The following CTNND2 variants were observed in gnomAD, a reference collection of about 807,000 sequenced individuals.
CTNND2 encodes catenin delta 2.
In CTNND2, 22 loss-of-function variants were observed where a neutral mutation model predicts 144.4. The observed-to-expected ratio is 0.15, with a 90% CI of 0.11 to 0.22. The LOEUF (loss-of-function observed/expected upper bound fraction) is 0.22, where lower values mean the gene tolerates loss of function less well. Ranked by LOEUF, CTNND2 falls within the 10% of genes least tolerant of loss-of-function variation. The pLI is 1.00. For missense variants in CTNND2, 1,353 were observed against 1,618.8 expected (o/e 0.84, Z 2.82); for synonymous variants, 751 against 695.6 (o/e 1.08, Z -1.25).
At chr5:11,668,443 G>A (rs1393572334) in intron 2 of CTNND2, among the ~76,000 whole-genome samples, 1 of 152,170 alleles carries the variant, frequency 6.6e-6, no homozygotes, top group Non-Finnish European at 1.5e-5. Flanking sequence ...ATTTCCTTGA[G>A]CAGTGGTTTG....
At chr5:11,336,895 CT>C (rs1476082811) in intron 9 of CTNND2, among the ~76,000 whole-genome samples, 26 of 152,204 alleles carry the variant, frequency 1.7e-4, no homozygotes, top group African/African-American at 5.3e-4. Flanking sequence ...AAGTCTAAGG[CT>C]GTCAAGATTA....
chr5:11,872,665 C>A (rs1735234512), intron 1 of CTNND2, among the ~76,000 whole-genome samples: 1 of 134,222 alleles, frequency 7.5e-6, no homozygotes, highest in Non-Finnish European at 1.7e-5. Flanking sequence ...TGTTTGTTGG[C>A]TGCATAAATG....
At chr5:11,464,115 C>A (rs925096249) in intron 3 of CTNND2, among the ~76,000 whole-genome samples, 8 of 152,128 alleles carry the variant, frequency 5.3e-5, no homozygotes, top group Non-Finnish European at 1.0e-4. Context: ...ATTCATTCAT[C>A]TGATATTTAT....
intron 2 of CTNND2, among the ~76,000 whole-genome samples, chr5:11,610,532 A>G (rs1473557887): frequency 1.3e-5 from 2 of 151,954 alleles, no homozygotes; most frequent in Non-Finnish European, 2.9e-5. Flanking sequence ...GGCTGCCTCA[A>G]TTTTCACCCT....
At chr5:11,528,026 A>G (rs186823248) in intron 3 of CTNND2, among the ~76,000 whole-genome samples, 3 of 152,356 alleles carry the variant, frequency 2.0e-5, no homozygotes, top group East Asian at 1.9e-4. Context: ...GAGTCAATTT[A>G]AAAAACCCAT....
At chr5:11,162,042 T>G (rs1180044298) in intron 11 of CTNND2, among the ~76,000 whole-genome samples, 1 of 151,158 alleles carries the variant, frequency 6.6e-6, no homozygotes, top group Non-Finnish European at 1.5e-5. Context: ...CCCAGCTACT[T>G]GGGAGTCTGG....
rs546762356 is a variant in CTNND2, at chr5:11,104,135, T to C, written c.2464-5387A>G. ...ACCAGCGGAATGCACCTCTATCACCTAGATTTCTCTACTAATTAGGGAGCA... is the reference window on the plus strand; with the variant it reads ...ACCAGCGGAATGCACCTCTATCACCCAGATTTCTCTACTAATTAGGGAGCA... On this transcript the variant is annotated intron_variant, in intron 14 of 21. Transcript: ENST00000304623. Among the ~76,000 whole-genome samples the C allele has an allele frequency of 2.0e-5, 3 of 152,366 alleles. No individual in the cohort carries two copies. The East Asian group carries it at 5.8e-4, about 29-fold the overall frequency.
intron 5 of CTNND2, among the ~76,000 whole-genome samples, chr5:11,404,903 C>T (rs991241128): frequency 2.0e-5 from 3 of 150,942 alleles, no homozygotes; most frequent in African/African-American, 7.3e-5. Flanking sequence ...AGCCACTGTG[C>T]CTGGCCAATA....
chr5:11,134,672 T>C (rs1001942766), intron 12 of CTNND2, among the ~76,000 whole-genome samples: 7 of 152,208 alleles, frequency 4.6e-5, no homozygotes, highest in Admixed American at 1.3e-4. Flanking sequence ...AGACGAGATG[T>C]AGTCATTAAG....
At chr5:11,449,419 T>C (rs1765111898) in intron 3 of CTNND2, among the ~76,000 whole-genome samples, 1 of 152,222 alleles carries the variant, frequency 6.6e-6, no homozygotes, top group South Asian at 2.1e-4. Flanking sequence ...CACATTGTTA[T>C]TGGCTGCTCT....
intron 1 of CTNND2, among the ~76,000 whole-genome samples, chr5:11,764,506 A>T (rs1035290174): frequency 2.6e-5 from 4 of 152,132 alleles, no homozygotes; most frequent in African/African-American, 9.7e-5. Flanking sequence ...GCCACCCCAA[A>T]GCCACTGTCT....
intron 3 of CTNND2, among the ~76,000 whole-genome samples, chr5:11,466,919 A>G (rs902060055): frequency 1.3e-5 from 2 of 152,244 alleles, no homozygotes; most frequent in Non-Finnish European, 2.9e-5. Flanking sequence ...GGTGCAATTC[A>G]CCATGAAAGA....
chr5:11,154,049 C>G (rs1463053279), intron 12 of CTNND2, among the ~76,000 whole-genome samples: 2 of 152,142 alleles, frequency 1.3e-5, no homozygotes, highest in Admixed American at 1.3e-4. Context: ...GGATATGCAT[C>G]GGTGATATTT....
chr5:11,798,642 C>G (rs1021631196), intron 1 of CTNND2, among the ~76,000 whole-genome samples: 3 of 152,072 alleles, frequency 2.0e-5, no homozygotes, highest in African/African-American at 7.2e-5. Context: ...TGGTGCGTGC[C>G]TGTAATGGCA....
chr5:11,639,676 C>T (rs543421918), intron 2 of CTNND2, among the ~76,000 whole-genome samples: 1 of 152,240 alleles, frequency 6.6e-6, no homozygotes, highest in South Asian at 2.1e-4. Flanking sequence ...TTAAGAATCT[C>T]CAAGAAAGGG....
chr5:11,804,394 C>A (rs1791881636), intron 1 of CTNND2, among the ~76,000 whole-genome samples: 1 of 152,070 alleles, frequency 6.6e-6, no homozygotes, highest in Admixed American at 6.6e-5. Context: ...GACACAAAAG[C>A]CTGCATGTGA....
intron 2 of CTNND2, among the ~76,000 whole-genome samples, chr5:11,694,691 G>C (rs1453657762): frequency 6.6e-6 from 1 of 152,180 alleles, no homozygotes; most frequent in African/African-American, 2.4e-5. Context: ...ACTGAGGATG[G>C]ATTGTATATC....
At chr5:11,438,412 A>G (rs1763962737) in intron 3 of CTNND2, among the ~76,000 whole-genome samples, 1 of 152,224 alleles carries the variant, frequency 6.6e-6, no homozygotes, top group Admixed American at 6.5e-5. Context: ...GCTGTCTGGG[A>G]AGCAGTTGTT....
At chr5:11,128,799 A>AT (rs1554049757) in intron 12 of CTNND2, among the ~76,000 whole-genome samples, 2 of 58,188 alleles carry the variant, frequency 3.4e-5, no homozygotes, top group East Asian at 6.3e-4. Context: ...TATATATTAT[A>AT]TATATACAAT....
Sources: gnomAD v4.1 joint callset for allele counts (sites outside exome capture counted in the v4.1 genomes callset) on GRCh38, gnomAD v4.1.1 for gene constraint, MANE v1.5 for transcripts, NCBI Gene and HGNC (gene_info 2026-07-23, HGNC 2026-07-21) for gene names.